Variants in RNF216 observed in about 807,000 individuals in gnomAD.
RNF216 encodes the protein E3 ubiquitin-protein ligase RNF216.
RNF216 carries 72 observed loss-of-function variants against 110.8 expected under a neutral mutation model. That is an observed-to-expected ratio of 0.65 (90% CI 0.54 to 0.79). RNF216 has a LOEUF of 0.79. RNF216 is among the 30% of genes least tolerant of loss of function. RNF216 has a pLI of 0.00. For synonymous variants in RNF216, 495 were observed against 407.5 expected, an observed-to-expected ratio of 1.21 and a Z score of -2.59; for missense variants, 1,342 against 1,141.2, an observed-to-expected ratio of 1.18 and a Z score of -2.54.
intron 14 of RNF216, chr7:5,649,868 G>C (rs1788281768): frequency 6.6e-6 from 1 of 152,216 alleles, no homozygotes; most frequent in Non-Finnish European, 1.5e-5. Flanking sequence ...CTGGTATGCT[G>C]CGAATGATTT....
intron 5 of RNF216, among the ~76,000 whole-genome samples, chr7:5,738,474 C>G (rs1158183110): frequency 6.6e-6 from 1 of 151,952 alleles, no homozygotes; most frequent in East Asian, 1.9e-4. Context: ...TTTGGGAGGC[C>G]GAGGCGGGTG....
At chr7:5,689,769 C>A (rs1207111238) in intron 13 of RNF216, among the ~76,000 whole-genome samples, 1 of 151,748 alleles carries the variant, frequency 6.6e-6, no homozygotes, top group African/African-American at 2.4e-5. Context: ...GCCTGGCCTG[C>A]GTGGCAAAAT....
chr7:5,667,134 G>A (rs1451487759), intron 13 of RNF216, among the ~76,000 whole-genome samples: 2 of 152,152 alleles, frequency 1.3e-5, no homozygotes, highest in Non-Finnish European at 2.9e-5. Context: ...ATAAACTGTG[G>A]CCCTATGGTG....
rs528611667 is a variant in RNF216, at chr7:5,772,151, T to G, written c.-70+9390A>C. 1.5e-4 allele frequency among the ~76,000 whole-genome samples: 23 copies of G among 152,206 alleles called. No individual in the cohort carries two copies. In the South Asian group the frequency reaches 4.4e-3, roughly 29 times the overall value. On this transcript the variant is annotated intron_variant, in intron 1 of 16. Transcript: ENST00000389902. ...AGGACGCTGAGGCAGGAGAATCGTT[T>G]GAACCCGGGAGGTGGAGGTTGCGGT...
intron 13 of RNF216, among the ~76,000 whole-genome samples, chr7:5,676,904 T>C (rs1307054411): frequency 2.6e-5 from 4 of 152,118 alleles, no homozygotes; most frequent in African/African-American, 7.2e-5. Context: ...CACTTCAAAA[T>C]GGGACCAGTG....
intron 13 of RNF216, among the ~76,000 whole-genome samples, chr7:5,697,566 G>C (rs1791706398): frequency 6.6e-6 from 1 of 152,202 alleles, no homozygotes; most frequent in Non-Finnish European, 1.5e-5. Context: ...TGTTTAAAGA[G>C]ATGAGGTCTT....
chr7:5,742,586 C>CTTTTTTT (rs59545890), intron 3 of RNF216, among the ~76,000 whole-genome samples: 1 of 65,990 alleles, frequency 1.5e-5, no homozygotes, highest in African/African-American at 6.0e-5. Context: ...GGTGAAAAAT[C>CTTTTTTT]TTTTTTTTTT....
chr7:5,634,550 G>A (rs896206667), intron 15 of RNF216, among the ~76,000 whole-genome samples: 7 of 152,202 alleles, frequency 4.6e-5, no homozygotes, highest in African/African-American at 1.4e-4. Context: ...GCTGTGGCTG[G>A]GAAGGGCAGG....
chr7:5,679,068 C>G (rs537780790), intron 13 of RNF216, among the ~76,000 whole-genome samples: 1 of 152,200 alleles, frequency 6.6e-6, no homozygotes. Context: ...AGATTAGATA[C>G]AGTGGAATGA....
intron 13 of RNF216, among the ~76,000 whole-genome samples, chr7:5,709,883 T>C (rs1792555518): frequency 6.6e-6 from 1 of 152,212 alleles, no homozygotes; most frequent in Admixed American, 6.5e-5. Flanking sequence ...GTCTCTTAAG[T>C]AGCTAGGACT....
At chr7:5,755,638 A>T (rs1051265956) in intron 2 of RNF216, among the ~76,000 whole-genome samples, 2 of 152,342 alleles carry the variant, frequency 1.3e-5, no homozygotes, top group African/African-American at 4.8e-5. Flanking sequence ...GCATGCTGTT[A>T]TAATTCTTTC....
At chr7:5,667,022 G>C (rs182344586) in intron 13 of RNF216, among the ~76,000 whole-genome samples, 11 of 152,114 alleles carry the variant, frequency 7.2e-5, no homozygotes, top group African/African-American at 1.7e-4. Flanking sequence ...GCTCAGACTG[G>C]TCTCAAACTC....
Position 5,742,225 on chromosome 7 carries a change from C to G in RNF216, c.202-410G>C, listed in dbSNP as rs536432243. ...ACATGTCCAGCTAATTTTTGTGTTT[C>G]TAAGAGAGATGGGGTTTTGCCATGT... On this transcript the variant is annotated intron_variant, in intron 3 of 16. Coordinates refer to ENST00000389902, the MANE Select transcript of RNF216 (RefSeq NM_207111.4). 1.1e-3 allele frequency among the ~76,000 whole-genome samples: 161 copies of G among 151,988 alleles called. 1 individual carries two copies. The highest frequency in any genetic ancestry group is 2.1e-4 in the South Asian group (1 of 4,818).
Position 5,623,186 on chromosome 7 carries a change from G to C in RNF216, c.2453-7C>G. The C allele has an allele frequency of 1.3e-6, 2 of 1,538,360 alleles. No individual in the cohort carries two copies. Among genetic ancestry groups the C allele is most frequent in the South Asian group, 1.3e-5 (1 of 79,604 alleles). ...ATGCGTTTGAAGGTGTTCTCTGAAA[G>C]GGATGTGGGGATTAGTGGAGAAAAA... On this transcript the variant is annotated splice_region_variant and splice_polypyrimidine_tract_variant and intron_variant, in intron 16 of 16. Transcript: ENST00000389902.
At chr7:5,717,663 G>A (rs966202667) in intron 9 of RNF216, among the ~76,000 whole-genome samples, 10 of 152,176 alleles carry the variant, frequency 6.6e-5, no homozygotes, top group Non-Finnish European at 1.3e-4. Context: ...ACATAAAATG[G>A]TATACCAGCC....
At chr7:5,691,756 G>A (rs554261637) in intron 13 of RNF216, among the ~76,000 whole-genome samples, 47 of 152,350 alleles carry the variant, frequency 3.1e-4, no homozygotes, top group Non-Finnish European at 5.3e-4. Context: ...AGAGTTACTA[G>A]TGTATGAAAT....
At chr7:5,643,633 T>C (rs1354302658) in intron 14 of RNF216, among the ~76,000 whole-genome samples, 1 of 152,176 alleles carries the variant, frequency 6.6e-6, no homozygotes. Context: ...CCGTCCCCTT[T>C]GTGAGCGTGA....
chr7:5,768,018 A>C (rs903232345), intron 1 of RNF216, among the ~76,000 whole-genome samples: 8 of 152,140 alleles, frequency 5.3e-5, no homozygotes, highest in Non-Finnish European at 1.5e-5. Context: ...ATGAAAACAG[A>C]CTTAATAAAG....
chr7:5,689,909 C>A (rs1184431342), intron 13 of RNF216, among the ~76,000 whole-genome samples: 7 of 150,608 alleles, frequency 4.6e-5, no homozygotes, highest in African/African-American at 1.5e-4. Context: ...CCACTGCATT[C>A]CAGCCTGGGT....
Sources: gnomAD v4.1 joint callset for allele counts (sites outside exome capture counted in the v4.1 genomes callset) on GRCh38, gnomAD v4.1.1 for gene constraint, MANE v1.5 for transcripts, NCBI Gene and HGNC (gene_info 2026-07-23, HGNC 2026-07-21) for gene names.